The following ZBTB20 variants were observed in gnomAD, a reference collection of about 807,000 sequenced individuals.
The protein encoded by ZBTB20 is zinc finger and BTB domain-containing protein 20.
In ZBTB20, 9 loss-of-function variants were observed where a neutral mutation model predicts 56.9. The ratio of observed to expected loss-of-function variants is 0.16; its 90% CI spans 0.10 to 0.28. The LOEUF is 0.28. Ranked by LOEUF, ZBTB20 falls within the 10% of genes least tolerant of loss-of-function variation. The pLI is 1.00. For missense variants in ZBTB20, 655 were observed against 1,003.0 expected, an observed-to-expected ratio of 0.65 and a Z score of 4.69; for synonymous variants, 417 against 420.7, an observed-to-expected ratio of 0.99 and a Z score of 0.11.
intron 6 of ZBTB20, among the ~76,000 whole-genome samples, chr3:114,591,700 C>G (rs2055782437): frequency 6.6e-6 from 1 of 152,156 alleles, no homozygotes; most frequent in Admixed American, 6.5e-5. Context: ...TGCTTTCTCT[C>G]CTGAAGAAAA....
At chr3:115,060,927 G>C (rs540728767) in intron 2 of ZBTB20, among the ~76,000 whole-genome samples, 58 of 152,168 alleles carry the variant, frequency 3.8e-4, no homozygotes, top group African/African-American at 1.4e-3. Flanking sequence ...AGGAGATAAA[G>C]TTAACTCTGT....
chr3:114,729,631 G>A (rs2065573579), intron 5 of ZBTB20, among the ~76,000 whole-genome samples: 1 of 152,120 alleles, frequency 6.6e-6, no homozygotes, highest in African/African-American at 2.4e-5. Flanking sequence ...AGAAATCAAG[G>A]GAGGTCTAGT....
At chr3:114,752,763 T>A (rs1423407567) in intron 5 of ZBTB20, among the ~76,000 whole-genome samples, 2 of 152,186 alleles carry the variant, frequency 1.3e-5, no homozygotes, top group Non-Finnish European at 2.9e-5. Context: ...CCTTACTCTG[T>A]CTGCCTCAGA....
rs971301834 is a variant in ZBTB20 at position 114,330,982 on chromosome 3, A to C, written c.*8023T>G. 27 of 152,410 alleles carry C rather than the reference A, an allele frequency of 1.8e-4. No individual in the cohort carries two copies. Among genetic ancestry groups the C allele is most frequent in the African/African-American group, 6.0e-4 (25 of 41,598 alleles). 9.4% of individuals were successfully genotyped at this position (152,410 alleles called of 1,614,324 possible). On this transcript the variant is annotated 3_prime_UTR_variant, in exon 12 of 12. Transcript: ENST00000675478. ...TATTGGTTTGCTAGACATGGTAAAC[A>C]ACCCACTCCTGGAAAGACTTTGGCA... is the stretch of plus-strand genomic sequence containing the variant.
At chr3:115,091,483 T>A (rs190798447) in intron 1 of ZBTB20, among the ~76,000 whole-genome samples, 111 of 152,068 alleles carry the variant, frequency 7.3e-4, no homozygotes, top group African/African-American at 2.3e-3. Context: ...TATCTTTACA[T>A]CAAAGTCAAT....
intron 3 of ZBTB20, among the ~76,000 whole-genome samples, chr3:114,914,000 G>A (rs1200236246): frequency 1.3e-5 from 2 of 151,882 alleles, no homozygotes; most frequent in African/African-American, 4.8e-5. Flanking sequence ...AGTATAATTT[G>A]AACTCAGGTG....
intron 1 of ZBTB20, among the ~76,000 whole-genome samples, chr3:115,138,855 G>C (rs1265711870): frequency 3.3e-5 from 5 of 151,968 alleles, no homozygotes; most frequent in African/African-American, 1.2e-4. Context: ...TTTTCACTGT[G>C]CTTCCCACTA....
At chr3:114,882,380 G>A (rs2076430963) in intron 4 of ZBTB20, among the ~76,000 whole-genome samples, 1 of 151,790 alleles carries the variant, frequency 6.6e-6, no homozygotes, top group Non-Finnish European at 1.5e-5. Context: ...TGTTTTTGAA[G>A]GAAAATTTTT....
intron 2 of ZBTB20, among the ~76,000 whole-genome samples, chr3:115,033,345 C>A (rs1322127624): frequency 6.6e-6 from 1 of 151,510 alleles, no homozygotes; most frequent in Non-Finnish European, 1.5e-5. Flanking sequence ...ACCTATATAA[C>A]TTGTAAGGAG....
intron 7 of ZBTB20, among the ~76,000 whole-genome samples, chr3:114,399,709 G>A (rs1416745954): frequency 6.6e-6 from 1 of 152,108 alleles, no homozygotes; most frequent in East Asian, 1.9e-4. Context: ...TATTTTCTGA[G>A]AGCCATGGGC....
intron 2 of ZBTB20, among the ~76,000 whole-genome samples, chr3:115,065,246 G>C (rs2082165729): frequency 6.6e-6 from 1 of 151,852 alleles, no homozygotes; most frequent in Admixed American, 6.6e-5. Flanking sequence ...ATATAATCTT[G>C]TCATGTTTCA....
chr3:114,479,525 G>A (rs2041281811), intron 7 of ZBTB20, among the ~76,000 whole-genome samples: 1 of 152,208 alleles, frequency 6.6e-6, no homozygotes, highest in Non-Finnish European at 1.5e-5. Context: ...ACCGTTAGAA[G>A]TATGGGCTCT....
At chr3:114,700,296 C>T (rs1263485547) in intron 5 of ZBTB20, among the ~76,000 whole-genome samples, 1 of 151,808 alleles carries the variant, frequency 6.6e-6, no homozygotes, top group Non-Finnish European at 1.5e-5. Flanking sequence ...ATGTGATATC[C>T]TCAGAAACTA....
At chr3:114,830,311 A>G (rs1471028612) in intron 4 of ZBTB20, among the ~76,000 whole-genome samples, 1 of 151,996 alleles carries the variant, frequency 6.6e-6, no homozygotes, top group East Asian at 1.9e-4. Context: ...TTTAAATCAT[A>G]AGCTGCTCTA....
chr3:114,558,380 C>A (rs982814972), intron 6 of ZBTB20, among the ~76,000 whole-genome samples: 1 of 151,966 alleles, frequency 6.6e-6, no homozygotes, highest in African/African-American at 2.4e-5. Context: ...ACCTCATTTG[C>A]GAACAATACT....
chr3:114,534,293 T>C (rs140426409), intron 6 of ZBTB20, among the ~76,000 whole-genome samples: 85 of 152,128 alleles, frequency 5.6e-4, no homozygotes, highest in African/African-American at 2.0e-3. Flanking sequence ...TGGAGGAATA[T>C]TTACCAAGCA....
chr3:114,485,747 C>T (rs563987019), intron 7 of ZBTB20, among the ~76,000 whole-genome samples: 1 of 152,206 alleles, frequency 6.6e-6, no homozygotes, highest in Admixed American at 6.5e-5. Flanking sequence ...GTCTCTCTCC[C>T]TTTTCCTCTT....
At chr3:114,681,225 T>C (rs1007642273) in intron 6 of ZBTB20, among the ~76,000 whole-genome samples, 1 of 151,398 alleles carries the variant, frequency 6.6e-6, no homozygotes, top group South Asian at 2.1e-4. Flanking sequence ...AGTGGTGCGA[T>C]CTTGGCTCAC....
chr3:114,600,918 T>G (rs2056710752), intron 6 of ZBTB20, among the ~76,000 whole-genome samples: 1 of 151,960 alleles, frequency 6.6e-6, no homozygotes, highest in South Asian at 2.1e-4. Context: ...GTTGCTTGCC[T>G]TTTCTTGAGG....
Sources: allele counts gnomAD v4.1 joint callset (sites outside exome capture counted in the v4.1 genomes callset), GRCh38; gene constraint gnomAD v4.1.1; transcripts MANE v1.5; gene names NCBI Gene and HGNC (gene_info 2026-07-23, HGNC 2026-07-21).